The following CNTN4 variants were observed in gnomAD, a reference collection of about 807,000 sequenced individuals.
CNTN4 encodes the protein contactin-4.
CNTN4 carries 77 observed loss-of-function variants against 122.5 expected under a neutral mutation model. The observed-to-expected ratio is 0.63, with a 90% CI of 0.52 to 0.76. The LOEUF is 0.76. Ranked by LOEUF, CNTN4 falls within the 30% of genes least tolerant of loss-of-function variation. The pLI, the probability that CNTN4 is intolerant of heterozygous loss-of-function variation, is 0.00. For synonymous variants in CNTN4, 512 were observed against 447.0 expected, an observed-to-expected ratio of 1.15 and a Z score of -1.83; for missense variants, 1,256 against 1,259.1, an observed-to-expected ratio of 1.00 and a Z score of 0.04.
intron 2 of CNTN4, among the ~76,000 whole-genome samples, chr3:2,236,113 A>G (rs1443818793): frequency 1.3e-5 from 2 of 152,198 alleles, no homozygotes; most frequent in Non-Finnish European, 2.9e-5. Context: ...ACACATTATT[A>G]TGAAAGCACT....
intron 2 of CNTN4, among the ~76,000 whole-genome samples, chr3:2,139,215 A>AT (rs1429182425): frequency 1.3e-5 from 2 of 152,218 alleles, no homozygotes; most frequent in African/African-American, 4.8e-5. Flanking sequence ...TAGGCCAAAG[A>AT]AAATACTCAA....
intron 6 of CNTN4, among the ~76,000 whole-genome samples, chr3:2,781,902 T>C (rs1378220902): frequency 1.4e-5 from 2 of 141,636 alleles, no homozygotes; most frequent in Admixed American, 1.4e-4. Context: ...TTTTTGTATT[T>C]TTAGTAGAGA....
chr3:2,178,793 T>G (rs2036872429), intron 2 of CNTN4, among the ~76,000 whole-genome samples: 1 of 152,002 alleles, frequency 6.6e-6, no homozygotes, highest in South Asian at 2.1e-4. Flanking sequence ...AATTTGCTAC[T>G]AAGATGCCTA....
intron 4 of CNTN4, among the ~76,000 whole-genome samples, chr3:2,656,613 TTGTGACAATTATAA>T (rs2083601552): frequency 2.0e-5 from 3 of 152,362 alleles, no homozygotes; most frequent in South Asian, 4.1e-4. Context: ...AATGAATACA[TTGTGACAATTATAA>T]TGTGACAATA....
chr3:2,383,530 C>T (rs1323702600), intron 3 of CNTN4, among the ~76,000 whole-genome samples: 1 of 152,084 alleles, frequency 6.6e-6, no homozygotes, highest in African/African-American at 2.4e-5. Context: ...TAACACAGCA[C>T]AAATGGGTCT....
At chr3:2,265,309 A>G (rs945016247) in intron 2 of CNTN4, among the ~76,000 whole-genome samples, 6 of 152,072 alleles carry the variant, frequency 3.9e-5, no homozygotes, top group African/African-American at 1.4e-4. Context: ...ACATTGTATC[A>G]GCACCATTTT....
chr3:2,591,516 C>A (rs2080484757), intron 4 of CNTN4, among the ~76,000 whole-genome samples: 1 of 89,518 alleles, frequency 1.1e-5, no homozygotes, highest in Non-Finnish European at 2.4e-5. Context: ...AGGCGCCCGC[C>A]ACTACGCCCG....
chr3:2,732,967 A>C (rs919657652), intron 4 of CNTN4, among the ~76,000 whole-genome samples: 1 of 152,228 alleles, frequency 6.6e-6, no homozygotes, highest in African/African-American at 2.4e-5. Flanking sequence ...AAAACTTTAG[A>C]TGGAATGCAT....
At chr3:2,906,790 G>A (rs1291215901) in intron 12 of CNTN4, among the ~76,000 whole-genome samples, 1 of 150,002 alleles carries the variant, frequency 6.7e-6, no homozygotes, top group African/African-American at 2.5e-5. Context: ...GTTGCAGTGA[G>A]CCAAGATCGT....
Position 2,391,717 on chromosome 3 carries a change from A to G in CNTN4, c.-89+52484A>G, listed in dbSNP as rs114553017. Among the ~76,000 whole-genome samples, 291 of 152,334 alleles carry G rather than the reference A, an allele frequency of 1.9e-3. 1 individual carries two copies. The highest frequency in any genetic ancestry group is 6.6e-3 in the African/African-American group (275 of 41,576). ...TACAAAAGCTTTGCATTGGAAATTT[A>G]CATGACGCAGCAAGAATTCTGAGCT... On this transcript the variant is annotated intron_variant, in intron 3 of 24. Transcript: ENST00000418658.
chr3:2,476,378 C>G (rs928095186), intron 3 of CNTN4, among the ~76,000 whole-genome samples: 2 of 152,092 alleles, frequency 1.3e-5, no homozygotes, highest in African/African-American at 4.8e-5. Context: ...CCTCTCTGCT[C>G]TAGGGATGCT....
intron 3 of CNTN4, among the ~76,000 whole-genome samples, chr3:2,541,575 T>G (rs2078033080): frequency 6.6e-6 from 1 of 152,124 alleles, no homozygotes; most frequent in Non-Finnish European, 1.5e-5. Context: ...TTCATGACAC[T>G]GTTTATCCTA....
At chr3:2,609,852 G>A (rs1201502731) in intron 4 of CNTN4, among the ~76,000 whole-genome samples, 1 of 151,842 alleles carries the variant, frequency 6.6e-6, no homozygotes, top group African/African-American at 2.4e-5. Flanking sequence ...TTTGATTTGT[G>A]CAACTTTATA....
chr3:2,389,424 T>C (rs2046368171), intron 3 of CNTN4, among the ~76,000 whole-genome samples: 1 of 151,802 alleles, frequency 6.6e-6, no homozygotes, highest in African/African-American at 2.4e-5. Context: ...CGAAGAAAGG[T>C]GTAACTCTTC....
chr3:2,195,646 A>G (rs142697235), intron 2 of CNTN4, among the ~76,000 whole-genome samples: 3 of 152,316 alleles, frequency 2.0e-5, no homozygotes, highest in African/African-American at 4.8e-5. Flanking sequence ...CAACACCTTT[A>G]CATGTTTGGC....
chr3:2,740,837 A>T (rs1030803721), intron 5 of CNTN4, among the ~76,000 whole-genome samples: 1 of 152,230 alleles, frequency 6.6e-6, no homozygotes, highest in African/African-American at 2.4e-5. Flanking sequence ...CGGCAGTATT[A>T]GTATAGTGGA....
At chr3:2,337,395 A>G (rs1202448651) in intron 2 of CNTN4, among the ~76,000 whole-genome samples, 1 of 152,162 alleles carries the variant, frequency 6.6e-6, no homozygotes, top group African/African-American at 2.4e-5. Context: ...TCCATAATGT[A>G]TGAGAATCTC....
At chr3:3,032,406 A>C (rs1023041562) in intron 16 of CNTN4, among the ~76,000 whole-genome samples, 4 of 152,278 alleles carry the variant, frequency 2.6e-5, no homozygotes, top group African/African-American at 9.6e-5. Flanking sequence ...TTTCACAGAA[A>C]ATAACATTAA....
intron 23 of CNTN4, among the ~76,000 whole-genome samples, chr3:3,047,759 G>A (rs1700823376): frequency 6.6e-6 from 1 of 150,610 alleles, no homozygotes; most frequent in Non-Finnish European, 1.5e-5. Context: ...CTAGCAGAAG[G>A]CAAGAAATAA....
Sources: gnomAD v4.1 joint callset for allele counts (sites outside exome capture counted in the v4.1 genomes callset) on GRCh38, gnomAD v4.1.1 for gene constraint, MANE v1.5 for transcripts, NCBI Gene and HGNC (gene_info 2026-07-23, HGNC 2026-07-21) for gene names.